PHACTR1: variants seen among roughly 807,000 people sequenced by gnomAD.
PHACTR1 encodes RPEL repeat containing 1.
In PHACTR1, 16 loss-of-function variants were observed where a neutral mutation model predicts 69.2. The ratio of observed to expected loss-of-function variants is 0.23; its 90% confidence interval spans 0.16 to 0.35. PHACTR1 has a LOEUF of 0.35. Among genes scored for constraint, PHACTR1 ranks in the 10% least tolerant of loss-of-function variants. PHACTR1 has a pLI of 1.00. For missense variants in PHACTR1, 510 were observed against 734.7 expected, an observed-to-expected ratio of 0.69 and a Z score of 3.54; for synonymous variants, 312 against 284.5, an observed-to-expected ratio of 1.10 and a Z score of -0.97.
At chr6:13,214,842 T>C (rs1767426430) in intron 8 of PHACTR1, among the ~76,000 whole-genome samples, 1 of 152,304 alleles carries the variant, frequency 6.6e-6, no homozygotes, top group East Asian at 1.9e-4. Flanking sequence ...AAAATATCAA[T>C]AGATATTTTT....
chr6:13,286,998 T>C (rs1310906655), intron 14 of PHACTR1, 65 bp from the exon 15 acceptor site: 3 of 1,560,368 alleles, frequency 1.9e-6, no homozygotes, highest in South Asian at 1.2e-5. Context: ...AGATGGGAGA[T>C]TGGACTGTTG....
chr6:12,793,963 C>A (rs562417885), intron 4 of PHACTR1, among the ~76,000 whole-genome samples: 1 of 152,160 alleles, frequency 6.6e-6, no homozygotes, highest in South Asian at 2.1e-4. Context: ...CCAGGCACTC[C>A]GCTAAGTCCT....
chr6:13,226,841 G>A (rs1365726516), intron 8 of PHACTR1, among the ~76,000 whole-genome samples: 6 of 151,246 alleles, frequency 4.0e-5, no homozygotes, highest in East Asian at 1.9e-4. Flanking sequence ...AGGCTCAAGC[G>A]ATTCTCCTGC....
At chr6:13,270,893 G>A (rs1487034958) in intron 10 of PHACTR1, among the ~76,000 whole-genome samples, 3 of 152,254 alleles carry the variant, frequency 2.0e-5, no homozygotes, top group Admixed American at 1.3e-4. Context: ...CTTCTAGGGA[G>A]GCCTCAGGAA....
chr6:12,869,507 G>A (rs1781809467), intron 4 of PHACTR1, among the ~76,000 whole-genome samples: 1 of 152,002 alleles, frequency 6.6e-6, no homozygotes, highest in African/African-American at 2.4e-5. Context: ...TCCTCCTGCA[G>A]CTTTCCCTGA....
intron 4 of PHACTR1, among the ~76,000 whole-genome samples, chr6:12,791,076 G>A (rs1167806403): frequency 6.6e-6 from 1 of 152,176 alleles, no homozygotes. Context: ...GGGATACACA[G>A]GGGAGGTGGC....
chr6:13,192,757 T>C (rs1763776070), intron 7 of PHACTR1, among the ~76,000 whole-genome samples: 1 of 152,192 alleles, frequency 6.6e-6, no homozygotes, highest in Non-Finnish European at 1.5e-5. Flanking sequence ...GGGGTAAGTT[T>C]CATGAGGGCA....
chr6:12,896,928 C>A (rs893750486), intron 4 of PHACTR1, among the ~76,000 whole-genome samples: 1 of 152,160 alleles, frequency 6.6e-6, no homozygotes, highest in Non-Finnish European at 1.5e-5. Flanking sequence ...GCTGGAAATT[C>A]TATTGATCCC....
At chr6:13,173,994 A>G (rs994894275) in intron 6 of PHACTR1, among the ~76,000 whole-genome samples, 12 of 152,174 alleles carry the variant, frequency 7.9e-5, no homozygotes, top group Non-Finnish European at 1.5e-5. Context: ...AGCGTTTTCC[A>G]TTGAAAACAA....
Position 13,209,482 on chromosome 6 carries a change from C to T in PHACTR1, c.986+3346C>T, listed in dbSNP as rs575726179. On this transcript the variant is annotated intron_variant, in intron 8 of 14. Coordinates refer to ENST00000332995, the MANE Select transcript of PHACTR1 (RefSeq NM_030948.6). ...ACCCCCTGTTTGGGCCATTGCTGCCCCCTGAAATCTCAAAGAATGTCACAC... is the reference window on the plus strand; with the variant it reads ...ACCCCCTGTTTGGGCCATTGCTGCCTCCTGAAATCTCAAAGAATGTCACAC... Among the ~76,000 whole-genome samples, 9 of 152,204 alleles carry T rather than the reference C, an allele frequency of 5.9e-5. No homozygotes were observed. The South Asian group carries it at 1.9e-3, about 32-fold the overall frequency.
intron 5 of PHACTR1, among the ~76,000 whole-genome samples, chr6:13,107,864 G>T (rs1298148062): frequency 1.3e-5 from 2 of 151,844 alleles, no homozygotes; most frequent in Non-Finnish European, 2.9e-5. Flanking sequence ...GAAAATGAAT[G>T]AATGAACAAC....
intron 5 of PHACTR1, among the ~76,000 whole-genome samples, chr6:13,139,158 C>T (rs1436547999): frequency 6.9e-6 from 1 of 145,664 alleles, no homozygotes; most frequent in African/African-American, 2.6e-5. Flanking sequence ...TCCTCTTCTA[C>T]TTTTGAAAAA....
At chr6:12,940,001 C>G (rs1032862163) in intron 4 of PHACTR1, among the ~76,000 whole-genome samples, 1 of 152,062 alleles carries the variant, frequency 6.6e-6, no homozygotes. Context: ...GTAAATGCGG[C>G]AAGAAAGGAA....
At chr6:12,891,961 G>A (rs1464296676) in intron 4 of PHACTR1, among the ~76,000 whole-genome samples, 1 of 152,216 alleles carries the variant, frequency 6.6e-6, no homozygotes, top group Admixed American at 6.5e-5. Context: ...GATAATACTT[G>A]TAAGGCTGCT....
intron 4 of PHACTR1, 42 bp from the exon 5 acceptor site, chr6:13,053,323 T>C: frequency 6.5e-7 from 1 of 1,544,768 alleles, no homozygotes; most frequent in Non-Finnish European, 8.8e-7. Flanking sequence ...TTTAACACTT[T>C]TTTTCTCTCT....
intron 4 of PHACTR1, among the ~76,000 whole-genome samples, chr6:12,967,404 T>G (rs1467463789): frequency 6.6e-6 from 1 of 152,176 alleles, no homozygotes; most frequent in Non-Finnish European, 1.5e-5. Context: ...TGAATCTTTG[T>G]AGGTAAGTGG....
chr6:13,011,139 AC>A lies in PHACTR1; in HGVS notation c.251-42225del, dbSNP rs555443908. Among the ~76,000 whole-genome samples the A allele has an allele frequency of 2.6e-3, 395 of 152,338 alleles. 2 individuals carry two copies. Among genetic ancestry groups the A allele is most frequent in the Non-Finnish European group, 3.6e-3 (247 of 68,012 alleles). Reference sequence around the variant, plus strand: ...TTTAGTCTGAGACACTAAAATGCACACATCTGCTAAGAACAGCATGGTTTCA... The same window carrying A: ...TTTAGTCTGAGACACTAAAATGCACAATCTGCTAAGAACAGCATGGTTTCA... On this transcript the variant is annotated intron_variant, in intron 4 of 14. Coordinates refer to ENST00000332995, the MANE Select transcript of PHACTR1 (RefSeq NM_030948.6).
chr6:13,038,980 A>G (rs1803769609), intron 4 of PHACTR1, among the ~76,000 whole-genome samples: 1 of 152,218 alleles, frequency 6.6e-6, no homozygotes, highest in African/African-American at 2.4e-5. Flanking sequence ...CAGATTTCCA[A>G]GAAGTCACTT....
At chr6:12,941,626 C>A (rs61533233) in intron 4 of PHACTR1, among the ~76,000 whole-genome samples, 1 of 152,060 alleles carries the variant, frequency 6.6e-6, no homozygotes, top group South Asian at 2.1e-4. Context: ...AGGAGCCAAA[C>A]GTCCTTGAAG....
Sources: gnomAD v4.1 joint callset for allele counts (sites outside exome capture counted in the v4.1 genomes callset) on GRCh38, gnomAD v4.1.1 for gene constraint, MANE v1.5 for transcripts, NCBI Gene and HGNC (gene_info 2026-07-23, HGNC 2026-07-21) for gene names.